The following PCDHGC4 variants were observed in gnomAD, a reference collection of about 807,000 sequenced individuals.
The protein encoded by PCDHGC4 is protocadherin gamma subfamily C, 4.
Under a neutral mutation model 59.7 loss-of-function variants are expected in PCDHGC4, and 15 were observed. That is an observed-to-expected ratio of 0.25 (90% CI 0.17 to 0.39). The LOEUF is 0.39. PCDHGC4 is among the 10% of genes least tolerant of loss of function. The pLI, the probability that PCDHGC4 is intolerant of heterozygous loss-of-function variation, is 1.00. For missense variants in PCDHGC4, 1,016 were observed against 1,189.5 expected (o/e 0.85, Z 2.15); for synonymous variants, 434 against 481.4 (o/e 0.90, Z 1.29).
intron 2 of PCDHGC4, among the ~76,000 whole-genome samples, chr5:141,499,016 GGAAGGAA>G (rs2099788564): frequency 7.0e-6 from 1 of 143,496 alleles, no homozygotes; most frequent in Non-Finnish European, 1.5e-5. Flanking sequence ...AAGGAAGGAA[GGAAGGAA>G]GGAAGAAAAG....
chr5:141,507,012 G>A (rs2099857902), intron 3 of PCDHGC4: 1 of 152,208 alleles, frequency 6.6e-6, no homozygotes, highest in Admixed American at 6.5e-5. Flanking sequence ...AGAGAACCGA[G>A]AAGGCACTTG....
At chr5:141,499,021 GAAGGAAGA>G (rs1193940810) in intron 2 of PCDHGC4, among the ~76,000 whole-genome samples, 2 of 140,162 alleles carry the variant, frequency 1.4e-5, no homozygotes, top group East Asian at 2.1e-4. Flanking sequence ...AGGAAGGAAG[GAAGGAAGA>G]AAAGAAAGAA....
rs532490777 is a variant in PCDHGC4, at chr5:141,487,782, T to C, written c.2442+167T>C. 7.2e-6 allele frequency: 11 copies of C among 1,525,744 alleles called. No homozygotes were observed. The South Asian group carries it at 1.2e-4, about 17-fold the overall frequency. The allele number at this position is 1,525,744 out of a possible 1,614,324, so 94.5% of individuals were successfully genotyped here. ...GACGCTGTGCTTTGTAACTGTTTCGTGAATTAACCAGAGTTGTCACAGTTT... is the reference window on the plus strand; with the variant it reads ...GACGCTGTGCTTTGTAACTGTTTCGCGAATTAACCAGAGTTGTCACAGTTT... On this transcript the variant is annotated intron_variant, in intron 1 of 3. Coordinates refer to ENST00000306593, the MANE Select transcript of PCDHGC4 (RefSeq NM_018928.3). This position sits in a 1 kb window ranked among gnomAD's most constrained non-coding sequence, Gnocchi z 5.0.
Position 141,490,325 on chromosome 5 carries a change from G to A in PCDHGC4, c.2442+2710G>A. 1 of 1,614,236 alleles carries A rather than the reference G, an allele frequency of 6.2e-7. No individual in the cohort carries two copies. Among genetic ancestry groups the A allele is most frequent in the Non-Finnish European group, 8.5e-7 (1 of 1,180,038 alleles). On this transcript the variant is annotated intron_variant, in intron 1 of 3. Transcript: ENST00000306593. This position sits in a 1 kb window ranked among gnomAD's most constrained non-coding sequence, Gnocchi z 5.4. ...TCTTTGGCCAACCCTGTCCTAGAGA[G>A]CACACCAGTGGGCACAGTAGTGGGG...
rs760575047 is a variant in PCDHGC4 at position 141,493,887 on chromosome 5, G to A, written c.2443-920G>A. Among the ~76,000 whole-genome samples the A allele has an allele frequency of 1.3e-5, 2 of 152,184 alleles. No individual in the cohort carries two copies. The highest frequency in any genetic ancestry group is 2.4e-5 in the African/African-American group (1 of 41,448). On this transcript the variant is annotated intron_variant, in intron 1 of 3. Coordinates refer to ENST00000306593, the MANE Select transcript of PCDHGC4 (RefSeq NM_018928.3). The surrounding 1 kb of genome is among the most constrained non-coding windows in gnomAD (Gnocchi z 4.3). Reference sequence around the variant, plus strand: ...AGAACCAGTGAGGAGGTGGCTCTAGGAGTGCTCCATGAGAGTGTGTGATGG... The same window carrying A: ...AGAACCAGTGAGGAGGTGGCTCTAGAAGTGCTCCATGAGAGTGTGTGATGG...
chr5:141,500,173 T>G (rs1666567886), intron 2 of PCDHGC4, among the ~76,000 whole-genome samples: 1 of 149,340 alleles, frequency 6.7e-6, no homozygotes, highest in East Asian at 1.9e-4. Context: ...ATGCATGAGC[T>G]TCATTTTTAT....
In PCDHGC4 at chr5:141,500,954, C is replaced by T. The variant is rs536993707; in HGVS notation, c.2502-4439C>T. On this transcript the variant is annotated intron_variant, in intron 2 of 3. Coordinates refer to ENST00000306593, the MANE Select transcript of PCDHGC4 (RefSeq NM_018928.3). Reference sequence around the variant, plus strand: ...CGCCATCTCGGCTCACTGCAAGCTCCACCTCCTGGGTTCAAGCAATTCTCC... The same window carrying T: ...CGCCATCTCGGCTCACTGCAAGCTCTACCTCCTGGGTTCAAGCAATTCTCC... Among the ~76,000 whole-genome samples the T allele has an allele frequency of 2.4e-3, 358 of 152,060 alleles. 1 individual carries two copies. The highest frequency in any genetic ancestry group is 4.1e-3 in the Admixed American group (63 of 15,282).
intron 2 of PCDHGC4, among the ~76,000 whole-genome samples, chr5:141,500,587 C>T (rs1418158417): frequency 6.6e-5 from 10 of 152,170 alleles, no homozygotes; most frequent in South Asian, 2.1e-4. Flanking sequence ...ACACTTTATT[C>T]ACATATTAAG....
At chr5:141,499,212 G>A (rs904920940) in intron 2 of PCDHGC4, among the ~76,000 whole-genome samples, 1 of 151,898 alleles carries the variant, frequency 6.6e-6, no homozygotes, top group African/African-American at 2.4e-5. Context: ...TGTAACCCAG[G>A]CCCTGCCCTG....
In PCDHGC4 at chr5:141,489,844, C is replaced by G. The variant is rs1004902910; in HGVS notation, c.2442+2229C>G. Reference sequence around the variant, plus strand: ...GCTGGTGCTAGAGCAGCAGCTGGATCGTGAAGCCCAGGCAAGACATCAGCT... The same window carrying G: ...GCTGGTGCTAGAGCAGCAGCTGGATGGTGAAGCCCAGGCAAGACATCAGCT... On this transcript the variant is annotated intron_variant, in intron 1 of 3. Coordinates refer to ENST00000306593, the MANE Select transcript of PCDHGC4 (RefSeq NM_018928.3). The surrounding 1 kb of genome is among the most constrained non-coding windows in gnomAD (Gnocchi z 4.5). The G allele has an allele frequency of 1.2e-6, 2 of 1,614,030 alleles. No individual in the cohort carries two copies. Among genetic ancestry groups the G allele is most frequent in the Non-Finnish European group, 8.5e-7 (1 of 1,179,990 alleles).
At chr5:141,495,292 C>T (rs74321313) in intron 2 of PCDHGC4, among the ~76,000 whole-genome samples, 8,567 of 152,256 alleles carry the variant, frequency 0.056, 526 homozygotes, top group African/African-American at 0.16. Context: ...CCGCACTCAG[C>T]GCCTCCTCCA....
rs2099627530 is a variant in PCDHGC4, at chr5:141,486,292, T to C, written c.1119T>C (p.Ser373=). Residue 373 remains serine (S), a synonymous_variant, in exon 1 of 4, where the codon AGT becomes AGC. Transcript: ENST00000306593. This position sits in a 1 kb window ranked among gnomAD's most constrained non-coding sequence, Gnocchi z 5.0. The part of the protein sequence containing the change: ...AEPGTVVALI[S]VQDPDSGSNG... ...CTGGCACTGTGGTGGCACTTATCAGTGTGCAGGATCCAGACTCAGGGTCAA... is the reference window on the plus strand; with the variant it reads ...CTGGCACTGTGGTGGCACTTATCAGCGTGCAGGATCCAGACTCAGGGTCAA... 5 of 1,613,970 alleles carry C rather than the reference T, an allele frequency of 3.1e-6. No individual in the cohort carries two copies. The highest frequency in any genetic ancestry group is 4.2e-6 in the Non-Finnish European group (5 of 1,179,982).
Position 141,487,858 on chromosome 5 carries a change from G to C in PCDHGC4, c.2442+243G>C, listed in dbSNP as rs575288726. Reference sequence around the variant, plus strand: ...ATCTGAGTAAGAAATGAAAGTAATTGGTGATCAAGAGCCAGGCTGTTGTGG... The same window carrying C: ...ATCTGAGTAAGAAATGAAAGTAATTCGTGATCAAGAGCCAGGCTGTTGTGG... On this transcript the variant is annotated intron_variant, in intron 1 of 3. Transcript: ENST00000306593. The surrounding 1 kb of genome is among the most constrained non-coding windows in gnomAD (Gnocchi z 5.0). The C allele has an allele frequency of 3.8e-5, 36 of 953,250 alleles. No individual in the cohort carries two copies. The Middle Eastern group carries it at 1.3e-3, about 35-fold the overall frequency. 59.0% of individuals were successfully genotyped at this position (953,250 alleles called of 1,614,324 possible). A position where few individuals can be genotyped will look rare whatever the true frequency, so the allele number is the denominator to read the frequency against.
At chr5:141,499,013 GA>G (rs2099788463) in intron 2 of PCDHGC4, among the ~76,000 whole-genome samples, 1 of 144,746 alleles carries the variant, frequency 6.9e-6, no homozygotes, top group Non-Finnish European at 1.5e-5. Context: ...AGGAAGGAAG[GA>G]AGGAAGGAAG....
intron 3 of PCDHGC4, among the ~76,000 whole-genome samples, chr5:141,506,441 T>C (rs1940889203): frequency 9.8e-6 from 1 of 101,930 alleles, no homozygotes; most frequent in South Asian, 3.0e-4. Flanking sequence ...TCTCGCTCTG[T>C]CTCAAAAAAA....
In PCDHGC4 at chr5:141,490,701, C is replaced by T; in HGVS notation, c.2442+3086C>T. On this transcript the variant is annotated intron_variant, in intron 1 of 3. Transcript: ENST00000306593. This position sits in a 1 kb window ranked among gnomAD's most constrained non-coding sequence, Gnocchi z 5.4. Reference sequence around the variant, plus strand: ...CAGATCCAGACACTGGGGATAATGCCCGCCTCACCTACTCCATTGTAGGAA... The same window carrying T: ...CAGATCCAGACACTGGGGATAATGCTCGCCTCACCTACTCCATTGTAGGAA... The T allele has an allele frequency of 6.2e-7, 1 of 1,614,184 alleles. No individual in the cohort carries two copies. The highest frequency in any genetic ancestry group is 8.5e-7 in the Non-Finnish European group (1 of 1,180,008).
At position 141,505,908 on chromosome 5, in the gene PCDHGC4, T is replaced by C. The variant is rs114551975; in HGVS notation, c.2590+427T>C. On this transcript the variant is annotated intron_variant, in intron 3 of 3. Coordinates refer to ENST00000306593, the MANE Select transcript of PCDHGC4 (RefSeq NM_018928.3). ...TTAAATGAGATGATACCACAAAGCATAGAGTTCTGGGCCTGGCGCTTGGAA... is the reference window on the plus strand; with the variant it reads ...TTAAATGAGATGATACCACAAAGCACAGAGTTCTGGGCCTGGCGCTTGGAA... 4.0e-3 allele frequency among the ~76,000 whole-genome samples: 608 copies of C among 152,218 alleles called. 3 individuals are homozygous for C. The highest frequency in any genetic ancestry group is 0.013 in the African/African-American group (551 of 41,540).
rs201073884 is a variant in PCDHGC4 at position 141,486,264 on chromosome 5, A to C, written c.1091A>C (p.Glu364Ala). The change falls in exon 1 of 4, where the codon GAA becomes GCA. Residue 364 changes from glutamate (E) to alanine (A), a missense_variant. By Grantham distance (107) the Glu-to-Ala change is moderately radical. Coordinates refer to ENST00000306593, the MANE Select transcript of PCDHGC4 (RefSeq NM_018928.3). This position sits in a 1 kb window ranked among gnomAD's most constrained non-coding sequence, Gnocchi z 5.0. Reference protein sequence around the residue: ...SELGTLPESAEPGTVVALISV... With the variant: ...SELGTLPESAAPGTVVALISV... The stretch of plus-strand genomic sequence containing the variant: ...CTTGGAACCCTCCCCGAGAGTGCAG[A>C]ACCTGGCACTGTGGTGGCACTTATC... 8 of 1,614,032 alleles carry C rather than the reference A, an allele frequency of 5.0e-6. No individual in the cohort carries two copies. The East Asian group carries it at 1.6e-4, about 31-fold the overall frequency.
rs888389135 is a variant in PCDHGC4 at position 141,487,089 on chromosome 5, C to T, written c.1916C>T (p.Pro639Leu). 12 of 1,613,882 alleles carry T rather than the reference C, an allele frequency of 7.4e-6. No individual in the cohort carries two copies. Among genetic ancestry groups the T allele is most frequent in the Non-Finnish European group, 1.0e-5 (12 of 1,179,768 alleles). The change falls in exon 1 of 4, where the codon CCA becomes CTA. Residue 639 changes from proline to leucine, a missense_variant. By Grantham distance (98) the Pro-to-Leu change is moderately conservative. Coordinates refer to ENST00000306593, the MANE Select transcript of PCDHGC4 (RefSeq NM_018928.3). The surrounding 1 kb of genome is among the most constrained non-coding windows in gnomAD (Gnocchi z 5.0). The stretch of plus-strand genomic sequence containing the variant: ...GCTGTTCCTATCCCAGCTGACCTCC[C>T]ACCACAGAAGCTGGTCATTGTGGTA... Reference protein sequence around the residue: ...RTAVPIPADLPPQKLVIVVKD... With the variant: ...RTAVPIPADLLPQKLVIVVKD...
Sources: gnomAD v4.1 joint callset for allele counts (sites outside exome capture counted in the v4.1 genomes callset) on GRCh38, gnomAD v4.1.1 for gene constraint, Gnocchi (gnomAD v3.1) non-coding constraint, MANE v1.5 for transcripts, NCBI Gene and HGNC (gene_info 2026-07-23, HGNC 2026-07-21) for gene names.